The following MYO1D variants were observed in gnomAD, a reference collection of about 807,000 sequenced individuals.
MYO1D encodes the protein myosin ID.
Under a neutral mutation model 122.0 loss-of-function variants are expected in MYO1D, and 83 were observed. That is an observed-to-expected ratio of 0.68 (90% CI 0.57 to 0.82). The LOEUF (loss-of-function observed/expected upper bound fraction) is 0.82, where lower values mean the gene tolerates loss of function less well. MYO1D is among the 40% of genes least tolerant of loss of function. The pLI, the probability that MYO1D is intolerant of heterozygous loss-of-function variation, is 0.00. For missense variants in MYO1D, 1,157 were observed against 1,269.5 expected (o/e 0.91, Z 1.35); for synonymous variants, 464 against 446.9 (o/e 1.04, Z -0.48).
Position 32,659,254 on chromosome 17 carries a change from C to T in MYO1D, c.2206G>A (p.Val736Met), listed in dbSNP as rs780980753. The T allele has an allele frequency of 1.2e-6, 2 of 1,614,194 alleles. No individual in the cohort carries two copies. The highest frequency in any genetic ancestry group is 4.5e-5 in the East Asian group (2 of 44,884). The change falls in exon 17 of 22, where the codon GTG (valine) becomes ATG (methionine). Residue 736 changes from valine (V) to methionine (M), a missense_variant. Transcript: ENST00000318217. Reference sequence around the variant, plus strand: ...GCCACCTCGTGGATGTACGACTTCACTTTGTAGCGCCGGTAGTACCTGATT... The same window carrying T: ...GCCACCTCGTGGATGTACGACTTCATTTTGTAGCGCCGGTAGTACCTGATT... The part of the protein sequence containing the change: ...TIIRYYRRYK[V>M]KSYIHEVARR...
chr17:32,574,224 A>T (rs2087257673), intron 21 of MYO1D, among the ~76,000 whole-genome samples: 1 of 151,454 alleles, frequency 6.6e-6, no homozygotes, highest in African/African-American at 2.4e-5. Context: ...GACAATACTT[A>T]TCTCTCCGTA....
At chr17:32,732,774 T>C (rs1191514039) in intron 14 of MYO1D, among the ~76,000 whole-genome samples, 1 of 152,200 alleles carries the variant, frequency 6.6e-6, no homozygotes, top group Non-Finnish European at 1.5e-5. Flanking sequence ...ACATGCCCTT[T>C]GCTTGCCACG....
chr17:32,822,778 C>CCGGCCGACCTTCG (rs2090685112), intron 1 of MYO1D, among the ~76,000 whole-genome samples: 1 of 151,494 alleles, frequency 6.6e-6, no homozygotes, highest in Non-Finnish European at 1.5e-5. Context: ...GTCCCCGCAC[C>CCGGCCGACCTTCG]CGGCCGACCT....
chr17:32,644,418 T>C (rs1358591244), intron 19 of MYO1D, among the ~76,000 whole-genome samples: 1 of 152,218 alleles, frequency 6.6e-6, no homozygotes, highest in Non-Finnish European at 1.5e-5. Flanking sequence ...GTTCTGTAGA[T>C]GTCTATTAGG....
chr17:32,586,303 C>A (rs2087386573), intron 21 of MYO1D, among the ~76,000 whole-genome samples: 1 of 152,200 alleles, frequency 6.6e-6, no homozygotes, highest in African/African-American at 2.4e-5. Flanking sequence ...TGGTAAGTTT[C>A]TCATCTCCAC....
intron 16 of MYO1D, among the ~76,000 whole-genome samples, chr17:32,709,861 A>G (rs1459644409): frequency 6.6e-6 from 1 of 152,180 alleles, no homozygotes; most frequent in Non-Finnish European, 1.5e-5. Flanking sequence ...AGGAAACATA[A>G]TAAAAAAATT....
intron 20 of MYO1D, among the ~76,000 whole-genome samples, chr17:32,614,272 G>T (rs1476712686): frequency 4.5e-5 from 1 of 22,350 alleles, no homozygotes; most frequent in Admixed American, 6.7e-4. Context: ...CCCACACCCC[G>T]TCCAAAGCTA....
chr17:32,642,368 G>A (rs62068425), intron 19 of MYO1D, among the ~76,000 whole-genome samples: 245 of 152,262 alleles, frequency 1.6e-3, no homozygotes, highest in Non-Finnish European at 2.5e-3. Flanking sequence ...GTAGCGTGAC[G>A]CCTCCAGCTT....
chr17:32,622,645 G>A (rs993593812), intron 20 of MYO1D, among the ~76,000 whole-genome samples: 1 of 152,134 alleles, frequency 6.6e-6, no homozygotes, highest in Non-Finnish European at 1.5e-5. Context: ...AACACTCCAG[G>A]GGAATGAAAA....
chr17:32,634,241 G>C (rs1597955651), intron 20 of MYO1D, among the ~76,000 whole-genome samples: 2 of 152,148 alleles, frequency 1.3e-5, no homozygotes, highest in Admixed American at 6.5e-5. Flanking sequence ...TTAAGTCTCT[G>C]TTCATTACAA....
At chr17:32,642,458 T>C (rs1313447495) in intron 19 of MYO1D, among the ~76,000 whole-genome samples, 3 of 152,214 alleles carry the variant, frequency 2.0e-5, no homozygotes, top group Non-Finnish European at 4.4e-5. Context: ...TTTTTTCCAA[T>C]TCTGTGAAGA....
intron 13 of MYO1D, among the ~76,000 whole-genome samples, chr17:32,743,613 GTTA>G (rs775872937): frequency 3.4e-5 from 5 of 147,020 alleles, no homozygotes; most frequent in Admixed American, 6.8e-5. Context: ...TATTATTATT[GTTA>G]TTATTATTAT....
chr17:32,494,773 C>G lies in MYO1D; in HGVS notation c.3007G>C (p.Val1003Leu). Residue 1003 changes from valine (V) to leucine (L), a missense_variant, in exon 22 of 22, where the codon GTG becomes CTG. Physicochemically the swap from Val to Leu is conservative, Grantham distance 32 (BLOSUM62 1). Coordinates refer to ENST00000318217, the MANE Select transcript of MYO1D (RefSeq NM_015194.3). Reference sequence around the variant, plus strand: ...TCCGCGGGGCGTCAGTTCCCGGGCACGCTGAGGATGAAGCCCGAGCGATTC... The same window carrying G: ...TCCGCGGGGCGTCAGTTCCCGGGCAGGCTGAGGATGAAGCCCGAGCGATTC... ...TKNRSGFILS[V>L]PGN The G allele has an allele frequency of 6.2e-7, 1 of 1,606,428 alleles. No individual in the cohort carries two copies. Among genetic ancestry groups the G allele is most frequent in the South Asian group, 1.1e-5 (1 of 89,990 alleles).
intron 19 of MYO1D, among the ~76,000 whole-genome samples, chr17:32,644,943 A>C (rs918501038): frequency 6.6e-6 from 1 of 152,106 alleles, no homozygotes; most frequent in African/African-American, 2.4e-5. Flanking sequence ...GTGTGAATCT[A>C]ATCCTGTCAT....
At chr17:32,857,306 C>A (rs2091034678) in intron 1 of MYO1D, among the ~76,000 whole-genome samples, 1 of 152,172 alleles carries the variant, frequency 6.6e-6, no homozygotes, top group Non-Finnish European at 1.5e-5. Flanking sequence ...AATCCTTTGG[C>A]CGGGCACGGT....
intron 16 of MYO1D, among the ~76,000 whole-genome samples, chr17:32,669,996 G>A (rs972642836): frequency 2.0e-5 from 3 of 151,508 alleles, no homozygotes; most frequent in African/African-American, 4.9e-5. Context: ...TGGTTTTAGC[G>A]ATTCTCTTGT....
At chr17:32,830,357 C>T (rs964472112) in intron 1 of MYO1D, 6 of 152,158 alleles carry the variant, frequency 3.9e-5, no homozygotes, top group African/African-American at 1.4e-4. Context: ...ATTTATCACA[C>T]AATTATCATT....
chr17:32,789,961 G>A (rs138886669), intron 1 of MYO1D, among the ~76,000 whole-genome samples: 13 of 152,240 alleles, frequency 8.5e-5, no homozygotes, highest in South Asian at 2.1e-4. Flanking sequence ...TACAGTAACC[G>A]TAGGAATAAA....
intron 3 of MYO1D, among the ~76,000 whole-genome samples, chr17:32,776,618 A>C (rs969389091): frequency 2.0e-5 from 3 of 151,796 alleles, no homozygotes; most frequent in Non-Finnish European, 2.9e-5. Context: ...GTGATACAGA[A>C]AATGATACAA....
Sources: allele counts gnomAD v4.1 joint callset (sites outside exome capture counted in the v4.1 genomes callset), GRCh38; gene constraint gnomAD v4.1.1; transcripts MANE v1.5; gene names NCBI Gene and HGNC (gene_info 2026-07-23, HGNC 2026-07-21).